PARN: variants seen among roughly 807,000 people sequenced by gnomAD.
The protein encoded by PARN is poly(A)-specific ribonuclease, also known as poly(A)-specific ribonuclease PARN.
In PARN, 71 loss-of-function variants were observed where a neutral mutation model predicts 102.8. The ratio of observed to expected loss-of-function variants is 0.69; its 90% CI spans 0.57 to 0.84. The LOEUF (loss-of-function observed/expected upper bound fraction) is 0.84, where lower values mean the gene tolerates loss of function less well. Among genes scored for constraint, PARN ranks in the 40% least tolerant of loss-of-function variants. The pLI is 0.00. For missense variants in PARN, 782 were observed against 760.9 expected (o/e 1.03, Z -0.33); for synonymous variants, 261 against 252.9 (o/e 1.03, Z -0.30).
At chr16:14,566,979 C>T (rs972687179) in intron 18 of PARN, among the ~76,000 whole-genome samples, 2 of 152,206 alleles carry the variant, frequency 1.3e-5, no homozygotes, top group Non-Finnish European at 2.9e-5. Flanking sequence ...CCTGAAGTAG[C>T]ACTTGTTTCC....
At chr16:14,531,190 C>A (rs529660751) in intron 21 of PARN, among the ~76,000 whole-genome samples, 36 of 152,156 alleles carry the variant, frequency 2.4e-4, no homozygotes, top group East Asian at 2.3e-3. Flanking sequence ...TCAAAAAATA[C>A]AAAAATTAGC....
At chr16:14,507,767 GT>G (rs1202819059) in intron 21 of PARN, among the ~76,000 whole-genome samples, 10 of 152,118 alleles carry the variant, frequency 6.6e-5, no homozygotes, top group Non-Finnish European at 1.3e-4. Flanking sequence ...GCCCAAAGAG[GT>G]TTGAGAGTAA....
chr16:14,550,350 AT>A (rs1967216773), intron 21 of PARN, among the ~76,000 whole-genome samples: 1 of 152,188 alleles, frequency 6.6e-6, no homozygotes, highest in African/African-American at 2.4e-5. Flanking sequence ...TCCTGAGTAC[AT>A]TCCACCCTGA....
In PARN at chr16:14,443,326, A is replaced by G. The variant is rs1199096125; in HGVS notation, c.1864+3562T>C. Among the ~76,000 whole-genome samples the G allele has an allele frequency of 1.1e-4, 16 of 151,182 alleles. No homozygotes were observed. The Admixed American group carries it at 1.1e-3, about 10-fold the overall frequency. The stretch of plus-strand genomic sequence containing the variant: ...GAAAAAATTAAAAGAAAAAGAACAG[A>G]TATAAAGAGATTACTTTTTTTTTTT... On this transcript the variant is annotated intron_variant, in intron 23 of 23. Transcript: ENST00000437198.
At chr16:14,534,542 T>C (rs1966526085) in intron 21 of PARN, among the ~76,000 whole-genome samples, 1 of 152,180 alleles carries the variant, frequency 6.6e-6, no homozygotes, top group African/African-American at 2.4e-5. Context: ...ATGAGTTCAT[T>C]TCCCCCCCTA....
chr16:14,569,525 A>C (rs755211466), intron 18 of PARN, among the ~76,000 whole-genome samples: 24 of 152,214 alleles, frequency 1.6e-4, no homozygotes, highest in Non-Finnish European at 2.5e-4. Flanking sequence ...CTGCTGCCTT[A>C]TGCATAAGCC....
At chr16:14,584,483 G>A (rs1969722256) in intron 15 of PARN, 61 bp from the exon 16 acceptor site, 2 of 1,349,198 alleles carry the variant, frequency 1.5e-6, no homozygotes, top group South Asian at 2.4e-5. Context: ...ATATTAAAGA[G>A]ATTCACTGAC....
At chr16:14,612,465 A>G (rs1344579081) in intron 6 of PARN, among the ~76,000 whole-genome samples, 2 of 151,836 alleles carry the variant, frequency 1.3e-5, no homozygotes, top group Non-Finnish European at 2.9e-5. Flanking sequence ...TAAAAAAAAC[A>G]CCTTGCTATT....
At chr16:14,557,387 T>C (rs761676788) in intron 18 of PARN, among the ~76,000 whole-genome samples, 14 of 151,466 alleles carry the variant, frequency 9.2e-5, no homozygotes, top group Non-Finnish European at 2.1e-4. Context: ...TGAAATCCCG[T>C]CTCTACTAAA....
At chr16:14,625,664 T>C (rs1229713223) in intron 5 of PARN, among the ~76,000 whole-genome samples, 1 of 152,250 alleles carries the variant, frequency 6.6e-6, no homozygotes, top group Non-Finnish European at 1.5e-5. Flanking sequence ...TCACCTTTTC[T>C]CTTTTGCCCA....
At chr16:14,591,219 T>C (rs1970175063) in intron 13 of PARN, among the ~76,000 whole-genome samples, 1 of 150,558 alleles carries the variant, frequency 6.6e-6, no homozygotes, top group Admixed American at 6.6e-5. Context: ...TGAAACCCCA[T>C]CTCCACTAAA....
At chr16:14,607,821 A>C (rs1406179355) in intron 9 of PARN, among the ~76,000 whole-genome samples, 2 of 152,164 alleles carry the variant, frequency 1.3e-5, no homozygotes, top group Non-Finnish European at 2.9e-5. Context: ...TTGAAGACCC[A>C]CCTGCAAACA....
chr16:14,484,004 C>T (rs1963523234), intron 21 of PARN, among the ~76,000 whole-genome samples: 1 of 152,152 alleles, frequency 6.6e-6, no homozygotes, highest in South Asian at 2.1e-4. Flanking sequence ...CTGTCCTTCC[C>T]CTGGAGTCCC....
chr16:14,539,641 C>CT (rs1357377124), intron 21 of PARN, among the ~76,000 whole-genome samples: 1 of 152,214 alleles, frequency 6.6e-6, no homozygotes, highest in East Asian at 1.9e-4. Flanking sequence ...AAGTCAGTTG[C>CT]TTTTACAAGT....
In PARN at chr16:14,535,671, T is replaced by C. The variant is rs558634789; in HGVS notation, c.1480+16350A>G. On this transcript the variant is annotated intron_variant, in intron 21 of 23. Transcript: ENST00000437198. Reference sequence around the variant, plus strand: ...AAAGTTTGTTTCCTACAGTAGAGTATGATAAGATATTTTGAGAAAAACAGA... The same window carrying C: ...AAAGTTTGTTTCCTACAGTAGAGTACGATAAGATATTTTGAGAAAAACAGA... Among the ~76,000 whole-genome samples, 152 of 152,362 alleles carry C rather than the reference T, an allele frequency of 1.0e-3. 2 individuals carry two copies. The highest frequency in any genetic ancestry group is 1.4e-3 in the Non-Finnish European group (92 of 68,036).
In PARN at chr16:14,627,248, ACGTTTGTTAACACAAC is replaced by A; in HGVS notation, c.245+5_245+20del. On this transcript the variant is annotated splice_donor_5th_base_variant and intron_variant, in intron 4 of 23. Coordinates refer to ENST00000437198, the MANE Select transcript of PARN (RefSeq NM_002582.4). Reference sequence around the variant, plus strand: ...TTGTGCCACAAAAACGGAATTCCCAACGTTTGTTAACACAACCTACTTTGAATCTGTGTAGTCATAC... The same window carrying A: ...TTGTGCCACAAAAACGGAATTCCCAACTACTTTGAATCTGTGTAGTCATAC... 6.3e-7 allele frequency: 1 copy of A among 1,586,426 alleles called. No homozygotes were observed.
chr16:14,551,878 T>C lies in PARN; in HGVS notation c.1480+143A>G, dbSNP rs1967326181. 8.4e-6 allele frequency: 5 copies of C among 597,492 alleles called. No homozygotes were observed. In the South Asian group the frequency reaches 1.2e-4, roughly 14 times the overall value. 37.0% of individuals were successfully genotyped at this position (597,492 alleles called of 1,614,324 possible). A position where few individuals can be genotyped will look rare whatever the true frequency, so the allele number is the denominator to read the frequency against. On this transcript the variant is annotated intron_variant, in intron 21 of 23. Transcript: ENST00000437198. ...TACATGATACTTACTAATTATTTCA[T>C]TTATTTCAGAGACAATCTCAAAAAC...
At chr16:14,621,790 G>A (rs1321644408) in intron 5 of PARN, among the ~76,000 whole-genome samples, 16 of 146,610 alleles carry the variant, frequency 1.1e-4, no homozygotes, top group Admixed American at 1.4e-4. Context: ...CAGCCTGGGC[G>A]ACAGGGGCTT....
At chr16:14,597,523 C>G (rs1014591655) in intron 12 of PARN, among the ~76,000 whole-genome samples, 2 of 151,904 alleles carry the variant, frequency 1.3e-5, no homozygotes, top group South Asian at 4.1e-4. Flanking sequence ...GGTGAAACCC[C>G]GTCTCTACTA....
Sources: allele counts gnomAD v4.1 joint callset (sites outside exome capture counted in the v4.1 genomes callset), GRCh38; gene constraint gnomAD v4.1.1; transcripts MANE v1.5; gene names NCBI Gene and HGNC (gene_info 2026-07-23, HGNC 2026-07-21).